Variants in FAM118B observed in about 807,000 individuals in gnomAD.
FAM118B encodes the protein protein FAM118B.
In FAM118B, 24 loss-of-function variants were observed where a neutral mutation model predicts 38.5. That is an observed-to-expected ratio of 0.62 (90% CI 0.45 to 0.88). The LOEUF is 0.88. Ranked by LOEUF, FAM118B falls within the 40% of genes least tolerant of loss-of-function variation. FAM118B has a pLI of 0.00. For missense variants in FAM118B, 334 were observed against 420.0 expected (o/e 0.80, Z 1.79); for synonymous variants, 138 against 156.3 (o/e 0.88, Z 0.87).
At chr11:126,248,358 C>CTTCT (rs1950446173) in intron 4 of FAM118B, among the ~76,000 whole-genome samples, 4 of 36,966 alleles carry the variant, frequency 1.1e-4, no homozygotes, top group African/African-American at 4.9e-4. Context: ...TAGTAGTTGA[C>CTTCT]TTTTTTTTTT....
intron 4 of FAM118B, among the ~76,000 whole-genome samples, chr11:126,241,855 T>TAA (rs1428442157): frequency 6.6e-6 from 1 of 151,758 alleles, no homozygotes; most frequent in Admixed American, 6.6e-5. Context: ...CAGCCTGTTT[T>TAA]AAAATCTTAA....
Position 126,239,252 on chromosome 11 carries a change from T to C in FAM118B, c.87-1540T>C, listed in dbSNP as rs576514815. Among the ~76,000 whole-genome samples the C allele has an allele frequency of 8.7e-4, 132 of 152,250 alleles. 2 individuals carry two copies. Among genetic ancestry groups the C allele is most frequent in the South Asian group, 6.8e-3 (33 of 4,818 alleles). On this transcript the variant is annotated intron_variant, in intron 3 of 8. Transcript: ENST00000533050. The stretch of plus-strand genomic sequence containing the variant: ...TGCTGAGATTACAGGCATGAACCAC[T>C]GCACTTAGCCAAATTGGAAGTCTTA...
At position 126,256,428 on chromosome 11, in the gene FAM118B, C is replaced by G; in HGVS notation, c.697-139C>G. 1 of 676,706 alleles carries G rather than the reference C, an allele frequency of 1.5e-6. No individual in the cohort carries two copies. The highest frequency in any genetic ancestry group is 1.9e-5 in the South Asian group (1 of 52,188). The allele number at this position is 676,706 out of a possible 1,614,324, so 41.9% of individuals were successfully genotyped here. On this transcript the variant is annotated intron_variant, in intron 6 of 8. Coordinates refer to ENST00000533050, the MANE Select transcript of FAM118B (RefSeq NM_024556.4). The surrounding 1 kb of genome is among the most constrained non-coding windows in gnomAD (Gnocchi z 6.6). ...ACAGCAATAAGCAAGAGATCACACT[C>G]CTTGATGGGACATACCAACCCACTT...
At chr11:126,234,918 CTG>C in intron 2 of FAM118B, 75 bp from the exon 3 acceptor site, 1 of 1,173,220 alleles carries the variant, frequency 8.5e-7, no homozygotes, top group Non-Finnish European at 1.2e-6. Flanking sequence ...CTTTTTTAAA[CTG>C]TTTAATATAT....
At position 126,262,904 on chromosome 11, in the gene FAM118B, C is replaced by G. The variant is rs1415678521; in HGVS notation, c.*771C>G. On this transcript the variant is annotated 3_prime_UTR_variant, in exon 9 of 9. Transcript: ENST00000533050. ...GTGTTGTGGAATTTTAGTTTTGAAT[C>G]CTGTATAAAAGAACTCCAAGACCTA... is the stretch of plus-strand genomic sequence containing the variant. 6.6e-6 allele frequency: 1 copy of G among 152,562 alleles called. No individual in the cohort carries two copies. Among genetic ancestry groups the G allele is most frequent in the Non-Finnish European group, 1.5e-5 (1 of 68,028 alleles). The allele number at this position is 152,562 out of a possible 1,614,324, so 9.5% of individuals were successfully genotyped here.
rs189720470 is a variant in FAM118B, at chr11:126,236,403, A to G, written c.86+1316A>G. Among the ~76,000 whole-genome samples the G allele has an allele frequency of 9.6e-4, 146 of 152,216 alleles. 1 individual carries two copies. The East Asian group carries it at 0.024, about 25-fold the overall frequency. On this transcript the variant is annotated intron_variant, in intron 3 of 8. Transcript: ENST00000533050. ...GCTAACATCTAAGTATTCCTGCCAA[A>G]ATAGCCACTCTGTTCTGATTCCCAA...
intron 1 of FAM118B, among the ~76,000 whole-genome samples, chr11:126,216,778 C>A (rs1308298908): frequency 6.6e-6 from 1 of 152,236 alleles, no homozygotes; most frequent in African/African-American, 2.4e-5. Flanking sequence ...AGCAATCAAT[C>A]ACCAATAGGG....
chr11:126,222,571 C>T (rs187341785), intron 1 of FAM118B, among the ~76,000 whole-genome samples: 35 of 152,246 alleles, frequency 2.3e-4, no homozygotes, highest in Admixed American at 1.5e-3. Flanking sequence ...AAACAACCTC[C>T]AAAGCAGGTG....
chr11:126,247,276 G>A (rs925842974), intron 4 of FAM118B, among the ~76,000 whole-genome samples: 3 of 152,092 alleles, frequency 2.0e-5, no homozygotes, highest in Non-Finnish European at 2.9e-5. Flanking sequence ...TGGTGACAGA[G>A]CCAGACTTTC....
At chr11:126,218,272 C>T (rs999945312) in intron 1 of FAM118B, among the ~76,000 whole-genome samples, 1 of 152,216 alleles carries the variant, frequency 6.6e-6, no homozygotes, top group Non-Finnish European at 1.5e-5. Flanking sequence ...GGCCTTTGCA[C>T]CTGTGCCTCT....
chr11:126,227,158 G>T (rs1418886473), intron 1 of FAM118B, among the ~76,000 whole-genome samples: 2 of 150,252 alleles, frequency 1.3e-5, no homozygotes, highest in Non-Finnish European at 3.0e-5. Flanking sequence ...CGCCTCCCGG[G>T]TTCAAGCGAT....
intron 2 of FAM118B, 125 bp from the exon 3 acceptor site, chr11:126,234,870 G>GGGGGCACCTCCAAAACACCT: frequency 1.7e-6 from 1 of 584,282 alleles, no homozygotes; most frequent in Non-Finnish European, 2.9e-6. Context: ...TTTCTGTTAA[G>GGGGGCACCTCCAAAACACCT]TAGGGGGCAC....
chr11:126,258,158 G>A (rs1274751587), intron 7 of FAM118B, among the ~76,000 whole-genome samples: 1 of 152,194 alleles, frequency 6.6e-6, no homozygotes, highest in Non-Finnish European at 1.5e-5. Context: ...CACTGTGGGA[G>A]GCCCAGGTGG....
intron 3 of FAM118B, among the ~76,000 whole-genome samples, chr11:126,236,583 A>ATATGAAT (rs1398729244): frequency 6.6e-6 from 1 of 152,306 alleles, no homozygotes; most frequent in East Asian, 1.9e-4. Flanking sequence ...GAATCTAGAC[A>ATATGAAT]CCGGGCAGCT....
chr11:126,215,334 A>G (rs1949964082), intron 1 of FAM118B, among the ~76,000 whole-genome samples: 1 of 152,178 alleles, frequency 6.6e-6, no homozygotes, highest in African/African-American at 2.4e-5. Flanking sequence ...TGTCCCCAGA[A>G]TTTAACTTTT....
At chr11:126,229,970 A>G (rs1950187380) in intron 2 of FAM118B, among the ~76,000 whole-genome samples, 2 of 152,218 alleles carry the variant, frequency 1.3e-5, no homozygotes, top group Admixed American at 1.3e-4. Context: ...CTGTTAAAGC[A>G]CATGTTCAGG....
intron 7 of FAM118B, among the ~76,000 whole-genome samples, chr11:126,258,411 T>G (rs1366123483): frequency 2.6e-5 from 4 of 152,134 alleles, no homozygotes; most frequent in Non-Finnish European, 5.9e-5. Context: ...TACAGGTAAT[T>G]TAATAAACAT....
chr11:126,248,646 A>G (rs1208237228), intron 4 of FAM118B, among the ~76,000 whole-genome samples: 3 of 152,162 alleles, frequency 2.0e-5, no homozygotes, highest in Non-Finnish European at 2.9e-5. Context: ...CTGGGATTAC[A>G]GGCGTGAGCC....
intron 5 of FAM118B, among the ~76,000 whole-genome samples, chr11:126,251,776 G>A (rs938999054): frequency 6.9e-5 from 10 of 145,488 alleles, no homozygotes; most frequent in African/African-American, 2.3e-4. Context: ...TTGTTGCCCT[G>A]GGTTCAAGTG....
Sources: gnomAD v4.1 joint callset for allele counts (sites outside exome capture counted in the v4.1 genomes callset) on GRCh38, gnomAD v4.1.1 for gene constraint, Gnocchi (gnomAD v3.1) non-coding constraint, MANE v1.5 for transcripts, NCBI Gene and HGNC (gene_info 2026-07-23, HGNC 2026-07-21) for gene names.